Variants in PLCL2 observed in about 807,000 individuals in gnomAD.
PLCL2 encodes inactive phospholipase C-like protein 2.
A neutral mutation model predicts 79.6 loss-of-function variants in PLCL2; 4 were observed. The ratio of observed to expected loss-of-function variants is 0.05; its 90% CI spans 0.02 to 0.11. PLCL2 has a LOEUF of 0.11. Among genes scored for constraint, PLCL2 ranks in the 10% least tolerant of loss-of-function variants. PLCL2 has a pLI of 1.00. For missense variants in PLCL2, 895 were observed against 1,291.0 expected (o/e 0.69, Z 4.70); for synonymous variants, 484 against 457.7 (o/e 1.06, Z -0.73).
chr3:17,053,190 G>A (rs2064859503), intron 4 of PLCL2, among the ~76,000 whole-genome samples: 2 of 152,198 alleles, frequency 1.3e-5, no homozygotes, highest in Non-Finnish European at 1.5e-5. Context: ...GGTTCCACAG[G>A]CTGTACAGGA....
At chr3:17,049,067 G>A (rs2064812622) in intron 4 of PLCL2, among the ~76,000 whole-genome samples, 1 of 151,496 alleles carries the variant, frequency 6.6e-6, no homozygotes, top group Non-Finnish European at 1.5e-5. Context: ...AGCCATACCA[G>A]CAGGTACGAA....
chr3:17,056,189 T>A (rs575364718), intron 4 of PLCL2, among the ~76,000 whole-genome samples: 2 of 152,314 alleles, frequency 1.3e-5, no homozygotes, highest in Admixed American at 1.3e-4. Context: ...GGCACTTGCA[T>A]AAATAAACCA....
intron 1 of PLCL2, among the ~76,000 whole-genome samples, chr3:16,987,279 G>A (rs2064060611): frequency 6.6e-6 from 1 of 152,002 alleles, no homozygotes; most frequent in African/African-American, 2.4e-5. Flanking sequence ...ATTCAGAAAC[G>A]CTTCCTAGCA....
chr3:16,918,202 C>G (rs1697041771), intron 1 of PLCL2, among the ~76,000 whole-genome samples: 1 of 152,142 alleles, frequency 6.6e-6, no homozygotes, highest in Non-Finnish European at 1.5e-5. Context: ...CAGATTATCA[C>G]TGTGAACTTT....
intron 1 of PLCL2, among the ~76,000 whole-genome samples, chr3:16,900,659 C>T (rs1696596206): frequency 6.6e-6 from 1 of 152,208 alleles, no homozygotes; most frequent in Non-Finnish European, 1.5e-5. Context: ...ATAGCTCTTT[C>T]ATCCCTGCAA....
chr3:16,900,717 G>A (rs1310750647), intron 1 of PLCL2, among the ~76,000 whole-genome samples: 2 of 152,076 alleles, frequency 1.3e-5, no homozygotes, highest in Non-Finnish European at 2.9e-5. Flanking sequence ...GCTCCCGTTC[G>A]GTGGACATCA....
Position 16,960,771 on chromosome 3 carries a change from A to G in PLCL2, c.328-48903A>G, listed in dbSNP as rs529755201. 2.6e-5 allele frequency among the ~76,000 whole-genome samples: 4 copies of G among 152,304 alleles called. No homozygotes were observed. The South Asian group carries it at 8.3e-4, about 32-fold the overall frequency. On this transcript the variant is annotated intron_variant, in intron 1 of 5. Coordinates refer to ENST00000615277, the MANE Select transcript of PLCL2 (RefSeq NM_001144382.2). The stretch of plus-strand genomic sequence containing the variant: ...TCCCTCAGAAGCCTTTCCATATACT[A>G]CCATTTCCTAAAAAATATTATAGGC...
chr3:16,965,011 G>A (rs1368245036), intron 1 of PLCL2, among the ~76,000 whole-genome samples: 2 of 151,766 alleles, frequency 1.3e-5, no homozygotes, highest in African/African-American at 2.4e-5. Context: ...CTGTGCAGAA[G>A]CTCTTTAGTT....
At chr3:16,957,575 G>A (rs955627344) in intron 1 of PLCL2, among the ~76,000 whole-genome samples, 1 of 152,072 alleles carries the variant, frequency 6.6e-6, no homozygotes, top group African/African-American at 2.4e-5. Flanking sequence ...TTCAATTCCT[G>A]GGTATCCTTG....
intron 1 of PLCL2, among the ~76,000 whole-genome samples, chr3:16,949,135 A>G (rs1307261420): frequency 1.3e-5 from 2 of 152,218 alleles, no homozygotes; most frequent in African/African-American, 4.8e-5. Flanking sequence ...GTGGTTCAGC[A>G]GTAGAATCCT....
At chr3:17,070,887 T>G (rs944027714) in intron 5 of PLCL2, among the ~76,000 whole-genome samples, 6 of 151,700 alleles carry the variant, frequency 4.0e-5, no homozygotes, top group African/African-American at 1.5e-4. Flanking sequence ...GAAGAGGAAA[T>G]GAAGGAGGAA....
At chr3:16,932,548 A>C (rs1323463959) in intron 1 of PLCL2, among the ~76,000 whole-genome samples, 1 of 152,230 alleles carries the variant, frequency 6.6e-6, no homozygotes, top group East Asian at 1.9e-4. Context: ...GACAAGAAGT[A>C]AGATGTTTCA....
intron 1 of PLCL2, among the ~76,000 whole-genome samples, chr3:16,985,054 TG>T (rs1299215688): frequency 2.0e-5 from 3 of 152,186 alleles, no homozygotes; most frequent in African/African-American, 7.2e-5. Context: ...CCCTGATTTC[TG>T]GGCATAGGAT....
chr3:17,004,059 C>T (rs1375193870), intron 1 of PLCL2, among the ~76,000 whole-genome samples: 6 of 152,180 alleles, frequency 3.9e-5, no homozygotes, highest in East Asian at 1.9e-4. Context: ...CTTCTTCCCA[C>T]GCTCTACCAA....
At chr3:16,976,845 G>A (rs149267229) in intron 1 of PLCL2, among the ~76,000 whole-genome samples, 1 of 152,290 alleles carries the variant, frequency 6.6e-6, no homozygotes, top group East Asian at 1.9e-4. Context: ...GCATTTGGGT[G>A]GCTGACCTGT....
rs569251641 is a variant in PLCL2, at chr3:17,058,795, G to A, written c.3095-9161G>A. Reference sequence around the variant, plus strand: ...AGGTTAAGGTATGGCAGCCAGAGAGGTGGGAGGAGAACACTGATCTTCTGG... The same window carrying A: ...AGGTTAAGGTATGGCAGCCAGAGAGATGGGAGGAGAACACTGATCTTCTGG... On this transcript the variant is annotated intron_variant, in intron 4 of 5. Transcript: ENST00000615277. Among the ~76,000 whole-genome samples, 5 of 152,268 alleles carry A rather than the reference G, an allele frequency of 3.3e-5. No homozygotes were observed. In the South Asian group the frequency reaches 1.0e-3, roughly 32 times the overall value.
At chr3:16,902,620 G>C (rs185702077) in intron 1 of PLCL2, among the ~76,000 whole-genome samples, 115 of 152,076 alleles carry the variant, frequency 7.6e-4, no homozygotes, top group African/African-American at 2.6e-3. Flanking sequence ...GAAGGTCAGG[G>C]GTTTGAGACC....
intron 4 of PLCL2, among the ~76,000 whole-genome samples, chr3:17,063,516 A>G (rs2064976949): frequency 6.7e-6 from 1 of 148,364 alleles, no homozygotes; most frequent in Admixed American, 6.7e-5. Flanking sequence ...CCCACCACAG[A>G]CCTCCTAAAT....
At chr3:16,919,054 C>T (rs986223539) in intron 1 of PLCL2, among the ~76,000 whole-genome samples, 2 of 152,010 alleles carry the variant, frequency 1.3e-5, no homozygotes, top group African/African-American at 2.4e-5. Context: ...CATAATACTT[C>T]GTTGTGAAAT....
Sources: allele counts gnomAD v4.1 joint callset (sites outside exome capture counted in the v4.1 genomes callset), GRCh38; gene constraint gnomAD v4.1.1; transcripts MANE v1.5; gene names NCBI Gene and HGNC (gene_info 2026-07-23, HGNC 2026-07-21).